CMIP: variants seen among roughly 807,000 people sequenced by gnomAD.
CMIP encodes c-Maf inducing protein, also known as C-Maf-inducing protein.
In CMIP, 13 loss-of-function variants were observed where a neutral mutation model predicts 97.3. The observed-to-expected ratio is 0.13, with a 90% CI of 0.09 to 0.21. The LOEUF (loss-of-function observed/expected upper bound fraction) is 0.21. Among genes scored for constraint, CMIP ranks in the 10% least tolerant of loss-of-function variants. The pLI, the probability that CMIP is intolerant of heterozygous loss-of-function variation, is 1.00. For missense variants in CMIP, 847 were observed against 1,024.9 expected (o/e 0.83, Z 2.37); for synonymous variants, 538 against 436.3 (o/e 1.23, Z -2.91).
chr16:81,706,993 C>T (rs775991014), intron 19 of CMIP, 21 bp from the exon 20 acceptor site: 1 of 1,611,740 alleles, frequency 6.2e-7, no homozygotes, highest in Non-Finnish European at 8.5e-7. Flanking sequence ...CTCCTAACAA[C>T]TGTATCTGTC....
chr16:81,623,113 A>G (rs1401460804), intron 3 of CMIP, among the ~76,000 whole-genome samples: 1 of 152,188 alleles, frequency 6.6e-6, no homozygotes, highest in East Asian at 1.9e-4. Context: ...CTGAGGTGGG[A>G]GGATCACTTG....
At chr16:81,658,645 A>C (rs556620592) in intron 5 of CMIP, among the ~76,000 whole-genome samples, 1 of 152,282 alleles carries the variant, frequency 6.6e-6, no homozygotes. Flanking sequence ...GTGCAAGAGC[A>C]CAAAGATTTA....
chr16:81,686,576 A>G (rs1331082202), intron 10 of CMIP, among the ~76,000 whole-genome samples: 3 of 152,136 alleles, frequency 2.0e-5, no homozygotes, highest in Non-Finnish European at 4.4e-5. Context: ...GTCAGGACTT[A>G]TCTCAGGCAA....
In CMIP at chr16:81,445,441, A is replaced by C. The variant is rs774545153; in HGVS notation, c.200A>C (p.His67Pro). ...GACATTCAGGTCTGTGTCATCCGGCACCCGCGGACCTTTCTCAGCAAGATC... is the reference window on the plus strand; with the variant it reads ...GACATTCAGGTCTGTGTCATCCGGCCCCCGCGGACCTTTCTCAGCAAGATC... ...EGDIQVCVIR[H>P]PRTFLSKILT... The change falls in exon 1 of 21, where the codon CAC (histidine) becomes CCC (proline). Residue 67 changes from histidine (H) to proline (P), a missense_variant. By Grantham distance (77) the His-to-Pro change is moderately conservative. This residue lies in a region of CMIP where 285 missense variants were observed against 392.2 expected (regional missense o/e 0.73). Transcript: ENST00000537098. The C allele has an allele frequency of 6.3e-7, 1 of 1,585,494 alleles. No individual in the cohort carries two copies. The highest frequency in any genetic ancestry group is 8.6e-7 in the Non-Finnish European group (1 of 1,166,108).
intron 5 of CMIP, among the ~76,000 whole-genome samples, chr16:81,659,340 G>T (rs1181736670): frequency 6.6e-6 from 1 of 151,940 alleles, no homozygotes; most frequent in Non-Finnish European, 1.5e-5. Context: ...ACATGGCCAA[G>T]GGCTGAGGTT....
chr16:81,642,609 G>A (rs940681912), intron 3 of CMIP, among the ~76,000 whole-genome samples: 1 of 152,216 alleles, frequency 6.6e-6, no homozygotes, highest in East Asian at 1.9e-4. Flanking sequence ...CTACGGTGGA[G>A]ACAACCCAAG....
chr16:81,572,675 C>G (rs2091114321), intron 1 of CMIP, among the ~76,000 whole-genome samples: 1 of 152,180 alleles, frequency 6.6e-6, no homozygotes, highest in Non-Finnish European at 1.5e-5. Flanking sequence ...CCCGTTGAGT[C>G]TTACTTCAAG....
intron 1 of CMIP, among the ~76,000 whole-genome samples, chr16:81,489,779 C>T (rs544721292): frequency 4.3e-4 from 65 of 152,340 alleles, no homozygotes; most frequent in Middle Eastern, 3.4e-3. Context: ...GGGCCCTTCA[C>T]GCTGGGAGCT....
chr16:81,662,878 C>G (rs1344993534), intron 6 of CMIP, among the ~76,000 whole-genome samples: 1 of 152,182 alleles, frequency 6.6e-6, no homozygotes, highest in Admixed American at 6.5e-5. Flanking sequence ...TTTCAACACC[C>G]TGGTGGTCAA....
chr16:81,710,182 G>A lies in CMIP; in HGVS notation c.*383G>A, dbSNP rs116642623. 7.2e-3 allele frequency: 1,913 copies of A among 267,232 alleles called. 30 individuals carry two copies. The highest frequency in any genetic ancestry group is 0.04 in the African/African-American group (1,806 of 45,462). The allele number at this position is 267,232 out of a possible 1,614,324, so 16.6% of individuals were successfully genotyped here. A position where few individuals can be genotyped will look rare whatever the true frequency, so the allele number is the denominator to read the frequency against. Reference sequence around the variant, plus strand: ...AACTCCGATGCCACCATTGCGGGCCGGACGAAGGATGCTTTCTTCCTAGAG... The same window carrying A: ...AACTCCGATGCCACCATTGCGGGCCAGACGAAGGATGCTTTCTTCCTAGAG... On this transcript the variant is annotated 3_prime_UTR_variant, in exon 21 of 21. Coordinates refer to ENST00000537098, the MANE Select transcript of CMIP (RefSeq NM_198390.3).
intron 3 of CMIP, among the ~76,000 whole-genome samples, chr16:81,639,500 C>T (rs1384212275): frequency 2.0e-5 from 3 of 152,196 alleles, no homozygotes; most frequent in African/African-American, 7.2e-5. Flanking sequence ...TGGAATCACA[C>T]AAGATTTGGC....
chr16:81,509,594 T>G (rs2089773455), intron 1 of CMIP, among the ~76,000 whole-genome samples: 1 of 152,216 alleles, frequency 6.6e-6, no homozygotes, highest in African/African-American at 2.4e-5. Context: ...CCGCCCACTC[T>G]GTCCGCCTCC....
intron 8 of CMIP, among the ~76,000 whole-genome samples, chr16:81,671,325 G>A (rs2092681352): frequency 6.6e-6 from 1 of 152,216 alleles, no homozygotes. Context: ...CTTAGTGACA[G>A]CAGCCTCGAT....
At chr16:81,558,357 C>G (rs564339220) in intron 1 of CMIP, among the ~76,000 whole-genome samples, 3 of 152,238 alleles carry the variant, frequency 2.0e-5, no homozygotes, top group Non-Finnish European at 4.4e-5. Flanking sequence ...GTATCACACA[C>G]AGACCAAGCT....
chr16:81,541,250 A>G (rs542015533), intron 1 of CMIP, among the ~76,000 whole-genome samples: 1 of 152,288 alleles, frequency 6.6e-6, no homozygotes, highest in Admixed American at 6.5e-5. Context: ...TATAGAAAGT[A>G]TATGGTATAA....
At chr16:81,670,627 G>C (rs369049323) in intron 8 of CMIP, among the ~76,000 whole-genome samples, 1,844 of 148,400 alleles carry the variant, frequency 0.012, 71 homozygotes, top group African/African-American at 0.044. Context: ...TTTTGGGGGG[G>C]GGGGGGGTGG....
At chr16:81,645,715 G>A in intron 3 of CMIP, 1 of 1,248,458 alleles carries the variant, frequency 8.0e-7, no homozygotes, top group Non-Finnish European at 1.1e-6. Context: ...GGCTGGTGGG[G>A]CTTGGGCTCG....
chr16:81,553,655 G>A (rs555764786), intron 1 of CMIP, among the ~76,000 whole-genome samples: 16 of 152,348 alleles, frequency 1.1e-4, no homozygotes, highest in South Asian at 1.0e-3. Flanking sequence ...AAGGCTGGGC[G>A]TGCTCCGCCA....
At chr16:81,664,374 A>C in intron 7 of CMIP, 25 bp downstream of exon 7, 1 of 1,570,874 alleles carries the variant, frequency 6.4e-7, no homozygotes, top group Non-Finnish European at 8.6e-7. Flanking sequence ...CCCAACACCC[A>C]GACCCCAGCG....
Sources: allele counts gnomAD v4.1 joint callset (sites outside exome capture counted in the v4.1 genomes callset), GRCh38; gene constraint gnomAD v4.1.1; regional missense constraint gnomAD v4.1.1; transcripts MANE v1.5; gene names NCBI Gene and HGNC (gene_info 2026-07-23, HGNC 2026-07-21).